SLC15A3: variants seen among roughly 807,000 people sequenced by gnomAD.
SLC15A3 encodes solute carrier family 15 member 3, also known as osteoclast transporter.
In SLC15A3, 39 loss-of-function variants were observed where a neutral mutation model predicts 49.2. That is an observed-to-expected ratio of 0.79 (90% confidence interval 0.61 to 1.04). SLC15A3 has a LOEUF of 1.04. SLC15A3 is among the 50% of genes least tolerant of loss of function. The probability of loss-of-function intolerance (pLI) is 0.00; values close to 1 mark genes in which losing one functional copy is unlikely to be tolerated. For missense variants in SLC15A3, 758 were observed against 794.8 expected (o/e 0.95, Z 0.56); for synonymous variants, 339 against 367.0 (o/e 0.92, Z 0.87).
At chr11:60,948,207 G>T (rs564312857) in intron 1 of SLC15A3, among the ~76,000 whole-genome samples, 1 of 152,194 alleles carries the variant, frequency 6.6e-6, no homozygotes, top group Non-Finnish European at 1.5e-5. Context: ...AGATTCTGCG[G>T]GGTCCTCCTG....
chr11:60,939,650 G>A lies in SLC15A3; in HGVS notation c.1277-12C>T. The A allele has an allele frequency of 6.2e-7, 1 of 1,613,408 alleles. No homozygotes were observed. Among genetic ancestry groups the A allele is most frequent in the East Asian group, 2.2e-5 (1 of 44,868 alleles). On this transcript the variant is annotated splice_polypyrimidine_tract_variant and intron_variant, in intron 5 of 7. Coordinates refer to ENST00000227880, the MANE Select transcript of SLC15A3 (RefSeq NM_016582.3). ...CATCTCCAGGACTCCTGGTGGAGGA[G>A]CAGAGGGGGATTATAGTCAGGCCCA...
chr11:60,949,768 T>C (rs572102369), intron 1 of SLC15A3, among the ~76,000 whole-genome samples: 1 of 152,328 alleles, frequency 6.6e-6, no homozygotes, highest in East Asian at 1.9e-4. Flanking sequence ...TTTGATAAAC[T>C]GAGACAAGAA....
chr11:60,948,397 T>C (rs1391271060), intron 1 of SLC15A3, among the ~76,000 whole-genome samples: 3 of 152,124 alleles, frequency 2.0e-5, no homozygotes, highest in Admixed American at 2.0e-4. Flanking sequence ...TATAAATGAG[T>C]TCTTTTAGAA....
At position 60,951,748 on chromosome 11, in the gene SLC15A3, AC is replaced by A. The variant is rs1856931637; in HGVS notation, c.-198del. 4.4e-6 allele frequency: 1 copy of A among 227,800 alleles called. No homozygotes were observed. The highest frequency in any genetic ancestry group is 7.5e-6 in the Non-Finnish European group (1 of 134,172). The allele number at this position is 227,800 out of a possible 1,614,324, so 14.1% of individuals were successfully genotyped here. ...TACCCTTCCTGTCCCTCCGCTCACTACCCGGACTCTACCACCTCCTCCCTAA... is the reference window on the plus strand; with the variant it reads ...TACCCTTCCTGTCCCTCCGCTCACTACCGGACTCTACCACCTCCTCCCTAA... On this transcript the variant is annotated 5_prime_UTR_variant, in exon 1 of 8. Coordinates refer to ENST00000227880, the MANE Select transcript of SLC15A3 (RefSeq NM_016582.3).
At chr11:60,949,507 A>AGAAG (rs1565129864) in intron 1 of SLC15A3, among the ~76,000 whole-genome samples, 2 of 47,258 alleles carry the variant, frequency 4.2e-5, no homozygotes, top group East Asian at 1.8e-3. Flanking sequence ...AAAGAAGGAA[A>AGAAG]GAAAGAAAGA....
In SLC15A3 at chr11:60,952,150, C is replaced by T. The variant is rs934888422; in HGVS notation, c.-599G>A. Among the ~76,000 whole-genome samples, 3 of 151,946 alleles carry T rather than the reference C, an allele frequency of 2.0e-5. No homozygotes were observed. The highest frequency in any genetic ancestry group is 6.6e-5 in the Admixed American group (1 of 15,250). ...CCCTCCCCCCAGGCTCAGCCTCTGT[C>T]CCTCTCTCGGCTTCTTGAGAAACTC... On this transcript the variant is annotated 5_prime_UTR_variant, in exon 1 of 8. Transcript: ENST00000227880.
rs1393889515 is a variant in SLC15A3 at position 60,951,360 on chromosome 11, G to C, written c.192C>G (p.Asn64Lys). ...TCGCCTGCTCGCCGGTCCAGTTGAA[G>C]TTGGTGCTGTTGAGGTACAGCACGA... ...ANLVLYLNST[N>K]FNWTGEQATR... Residue 64 changes from asparagine (N) to lysine (K), a missense_variant, in exon 1 of 8, where the codon AAC becomes AAG. By Grantham distance (94) the Asn-to-Lys change is moderately conservative. Coordinates refer to ENST00000227880, the MANE Select transcript of SLC15A3 (RefSeq NM_016582.3). 6.4e-7 allele frequency: 1 copy of C among 1,551,050 alleles called. No individual in the cohort carries two copies. The highest frequency in any genetic ancestry group is 8.7e-7 in the Non-Finnish European group (1 of 1,152,640).
intron 5 of SLC15A3, chr11:60,940,894 G>A (rs74540488): frequency 2.5e-5 from 10 of 395,334 alleles, no homozygotes; most frequent in Admixed American, 9.1e-5. Flanking sequence ...TTCACTGGGG[G>A]AAAATATTTG....
intron 3 of SLC15A3, chr11:60,943,098 C>T (rs567481946): frequency 4.6e-4 from 70 of 152,324 alleles, no homozygotes; most frequent in African/African-American, 1.6e-3. Flanking sequence ...AGAAACTTCC[C>T]CAGCAATTCT....
intron 7 of SLC15A3, 40 bp downstream of exon 7, chr11:60,937,830 C>T (rs1346411203): frequency 1.3e-6 from 2 of 1,597,168 alleles, no homozygotes; most frequent in African/African-American, 2.7e-5. Flanking sequence ...CCAAGCCTCC[C>T]TCCATCCATG....
Position 60,942,068 on chromosome 11 carries a change from A to C in SLC15A3, c.1074T>G (p.Ser358=). Residue 358 remains serine (S), a synonymous_variant, in exon 4 of 8, where the codon TCT becomes TCG. Coordinates refer to ENST00000227880, the MANE Select transcript of SLC15A3 (RefSeq NM_016582.3). ...NIFPANPANI[S]VALRAQGSSY... is the part of the protein sequence containing the mutation. ...TGCTGCCCTGGGCTCTCAGGGCCAC[A>C]GAGATGTTGGCCGGGTTGGCTGGGA... is the stretch of plus-strand genomic sequence containing the variant. 2 of 1,613,582 alleles carry C rather than the reference A, an allele frequency of 1.2e-6. No individual in the cohort carries two copies. Among genetic ancestry groups the C allele is most frequent in the Non-Finnish European group, 8.5e-7 (1 of 1,179,638 alleles).
chr11:60,938,088 C>T, intron 6 of SLC15A3, 63 bp from the exon 7 acceptor site: 1 of 1,548,534 alleles, frequency 6.5e-7, no homozygotes, highest in Non-Finnish European at 8.7e-7. Flanking sequence ...AGGCCCAGGC[C>T]CCTGCTTGCT....
intron 4 of SLC15A3, 34 bp from the exon 5 acceptor site, chr11:60,941,324 C>T (rs1301473114): frequency 6.3e-7 from 1 of 1,595,480 alleles, no homozygotes; most frequent in Non-Finnish European, 8.5e-7. Flanking sequence ...GGCAGGCTAG[C>T]AGAGTGCAAG....
chr11:60,938,292 G>A (rs1369173750), intron 6 of SLC15A3, among the ~76,000 whole-genome samples: 2 of 151,700 alleles, frequency 1.3e-5, no homozygotes, highest in Non-Finnish European at 2.9e-5. Context: ...TCCCCTTCCT[G>A]CCAGGTCTAT....
At chr11:60,937,625 G>T in intron 7 of SLC15A3, 2 of 684,512 alleles carry the variant, frequency 2.9e-6, no homozygotes, top group Non-Finnish European at 4.9e-6. Context: ...TTCAGCCAGA[G>T]ATGGCAGAGT....
In SLC15A3 at chr11:60,946,561, G is replaced by T. The variant is rs767414465; in HGVS notation, c.819C>A (p.Cys273Ter). ...SMLKLALQNC[C>*]PQLWQRHSAR... ...CCGAGTGTCGTTGCCACAGCTGGGG[G>T]CAGCAGTTTTGGAGAGCGAGCTTAA... The change falls in exon 2 of 8, where the codon TGC (cysteine) becomes TGA (stop). Residue 273 changes from cysteine (C) to a stop codon, truncating the protein, a stop_gained. Transcript: ENST00000227880. LOFTEE classifies it high-confidence loss of function. 49 of 1,584,468 alleles carry T rather than the reference G, an allele frequency of 3.1e-5. No individual in the cohort carries two copies. The highest frequency in any genetic ancestry group is 4.0e-5 in the Non-Finnish European group (47 of 1,161,084).
chr11:60,939,272 C>A (rs1372410630), intron 6 of SLC15A3, among the ~76,000 whole-genome samples: 1 of 152,186 alleles, frequency 6.6e-6, no homozygotes, highest in Non-Finnish European at 1.5e-5. Flanking sequence ...TGCTCGCCTC[C>A]AAATCCCCAG....
In SLC15A3 at chr11:60,937,145, G is replaced by A. The variant is rs577612771; in HGVS notation, c.*74C>T. ...CCATTTCATTCTAACAGAATAAACC[G>A]AGAAGGAAACCAGAGCTGGGACTGC... is the stretch of plus-strand genomic sequence containing the variant. On this transcript the variant is annotated 3_prime_UTR_variant, in exon 8 of 8. Transcript: ENST00000227880. 48 of 1,548,182 alleles carry A rather than the reference G, an allele frequency of 3.1e-5. No homozygotes were observed. The highest frequency in any genetic ancestry group is 5.8e-5 in the Admixed American group (3 of 51,296).
At position 60,942,110 on chromosome 11, in the gene SLC15A3, G is replaced by A. The variant is rs770945301; in HGVS notation, c.1032C>T (p.Leu344=). 3.1e-6 allele frequency: 5 copies of A among 1,613,980 alleles called. No individual in the cohort carries two copies. In the South Asian group the frequency reaches 3.3e-5, roughly 11 times the overall value. Residue 344 remains leucine, a synonymous_variant, in exon 4 of 8, where the codon CTC becomes CTT. Coordinates refer to ENST00000227880, the MANE Select transcript of SLC15A3 (RefSeq NM_016582.3). ...QSTYVLQGLH[L]HIPNIFPANP... is the part of the protein sequence containing the mutation. ...TGGCTGGGAAAATGTTTGGGATGTG[G>A]AGGTGAAGACCCTGCAGGACATAGG... is the stretch of plus-strand genomic sequence containing the variant.
Sources: gnomAD v4.1 joint callset for allele counts (sites outside exome capture counted in the v4.1 genomes callset) on GRCh38, gnomAD v4.1.1 for gene constraint, MANE v1.5 for transcripts, NCBI Gene and HGNC (gene_info 2026-07-23, HGNC 2026-07-21) for gene names.